The following TENM2 variants were observed in gnomAD, a reference collection of about 807,000 sequenced individuals.
TENM2 encodes the protein teneurin transmembrane protein 2.
In TENM2, 52 loss-of-function variants were observed where a neutral mutation model predicts 245.2. That is an observed-to-expected ratio of 0.21 (90% confidence interval 0.17 to 0.27). The LOEUF is 0.27. Ranked by LOEUF, TENM2 falls within the 10% of genes least tolerant of loss-of-function variation. The pLI is 1.00. For missense variants in TENM2, 3,046 were observed against 3,666.8 expected, an observed-to-expected ratio of 0.83 and a Z score of 4.37; for synonymous variants, 1,363 against 1,438.9, an observed-to-expected ratio of 0.95 and a Z score of 1.19.
At chr5:168,184,603 T>C (rs1217187857) in intron 13 of TENM2, among the ~76,000 whole-genome samples, 1 of 152,168 alleles carries the variant, frequency 6.6e-6, no homozygotes, top group East Asian at 1.9e-4. Flanking sequence ...GAAATCAACA[T>C]CTTCTCATTC....
rs548766272 is a variant in TENM2 at position 167,451,527 on chromosome 5, C to T, written c.502+76054C>T. On this transcript the variant is annotated intron_variant, in intron 2 of 28. Transcript: ENST00000518659. ...AATAAGAGAAACAGAAAAGAATAGT[C>T]CAGGCCGCATTCCTAATCTTGTCAT... 1.4e-4 allele frequency among the ~76,000 whole-genome samples: 21 copies of T among 152,316 alleles called. No individual in the cohort carries two copies. In the East Asian group the frequency reaches 4.1e-3, roughly 29 times the overall value.
At chr5:167,696,610 G>A (rs761680606) in intron 2 of TENM2, among the ~76,000 whole-genome samples, 3 of 152,148 alleles carry the variant, frequency 2.0e-5, no homozygotes, top group Non-Finnish European at 4.4e-5. Context: ...AACAGAAATA[G>A]GAAAAACAGA....
At chr5:168,031,515 A>G (rs1319477233) in intron 5 of TENM2, among the ~76,000 whole-genome samples, 1 of 152,130 alleles carries the variant, frequency 6.6e-6, no homozygotes, top group East Asian at 1.9e-4. Context: ...TGCATACTTT[A>G]TTTCATTGAA....
At chr5:168,129,114 G>C (rs894212805) in intron 12 of TENM2, 2 of 152,212 alleles carry the variant, frequency 1.3e-5, no homozygotes, top group African/African-American at 4.8e-5. Flanking sequence ...CGCAGAGTGG[G>C]AGTGGAGAAA....
intron 5 of TENM2, among the ~76,000 whole-genome samples, chr5:168,030,158 CTTTTTTTTTT>C (rs540326142): frequency 4.6e-4 from 30 of 65,288 alleles, no homozygotes; most frequent in African/African-American, 1.3e-3. Flanking sequence ...GGTTCTGGCT[CTTTTTTTTTT>C]TTTTTTTTTT....
In TENM2 at chr5:167,462,190, C is replaced by CG. The variant is rs1274202479; in HGVS notation, c.502+86717_502+86718insG. ...GAGTTCCCTGACCCCCACCCCCCCC[C>CG]CCCATTGCAGGACATGCAACAGGGG... On this transcript the variant is annotated intron_variant, in intron 2 of 28. Transcript: ENST00000518659. 2.9e-4 allele frequency among the ~76,000 whole-genome samples: 37 copies of CG among 127,100 alleles called. 1 individual carries two copies. The highest frequency in any genetic ancestry group is 1.0e-3 in the African/African-American group (35 of 34,256). The allele number at this position is 127,100 out of a possible 152,430, so 83.4% of individuals were successfully genotyped here.
At chr5:167,353,542 C>G (rs373491234) in intron 1 of TENM2, among the ~76,000 whole-genome samples, 2 of 110,912 alleles carry the variant, frequency 1.8e-5, no homozygotes, top group Non-Finnish European at 3.4e-5. Flanking sequence ...GAGTCTCGCT[C>G]TGTCGCCCAG....
chr5:168,262,961 A>G, exon 29 of TENM2: 2 of 687,638 alleles, frequency 2.9e-6, no homozygotes, highest in East Asian at 2.7e-5. Flanking sequence ...TTTGAGTTCA[A>G]ATGCTACTGT....
the TENM2 span, among the ~76,000 whole-genome samples, chr5:167,180,709 G>T: frequency 6.6e-6 from 1 of 152,082 alleles, no homozygotes; most frequent in African/African-American, 2.4e-5. Context: ...CTAAAAAAAG[G>T]TAAGCTAGAG....
chr5:167,263,403 A>C, the TENM2 span, among the ~76,000 whole-genome samples: 1 of 152,188 alleles, frequency 6.6e-6, no homozygotes, highest in South Asian at 2.1e-4. Context: ...CCATGGGAGT[A>C]TATGCAGAAA....
chr5:167,280,623 T>C (rs1018803708), upstream of TENM2, among the ~76,000 whole-genome samples: 12 of 152,114 alleles, frequency 7.9e-5, no homozygotes, highest in Admixed American at 6.5e-5. Flanking sequence ...ATTTTCTTTC[T>C]TGTGAGCCTG....
intron 2 of TENM2, among the ~76,000 whole-genome samples, chr5:167,675,313 G>A (rs1400176564): frequency 6.6e-6 from 1 of 152,082 alleles, no homozygotes; most frequent in African/African-American, 2.4e-5. Context: ...GAATTCGATA[G>A]TAAATTGTCA....
At chr5:167,493,283 A>C (rs1047908834) in intron 2 of TENM2, among the ~76,000 whole-genome samples, 2 of 152,060 alleles carry the variant, frequency 1.3e-5, no homozygotes, top group Non-Finnish European at 2.9e-5. Context: ...GTCTCTAAAA[A>C]GAAAAGAAAA....
the TENM2 span, among the ~76,000 whole-genome samples, chr5:167,238,009 C>CA: frequency 0.061 from 2,638 of 43,290 alleles, 203 homozygotes; most frequent in African/African-American, 0.11. Flanking sequence ...GACTCTGTCT[C>CA]AAAAAAAAAA....
the TENM2 span, among the ~76,000 whole-genome samples, chr5:167,258,201 A>ATATATATATATACGTATATATATATGTG: frequency 3.9e-5 from 5 of 126,766 alleles, no homozygotes; most frequent in African/African-American, 8.5e-5. Flanking sequence ...GTGTTGCCAT[A>ATATATATATATACGTATATATATATGTG]TATATATATA....
At chr5:167,183,028 G>C in the TENM2 span, among the ~76,000 whole-genome samples, 28 of 152,154 alleles carry the variant, frequency 1.8e-4, no homozygotes, top group African/African-American at 6.3e-4. Flanking sequence ...ATGTTCTCCT[G>C]CCTCTTTCCT....
chr5:167,831,169 C>T (rs979708430), intron 2 of TENM2, among the ~76,000 whole-genome samples: 2 of 151,858 alleles, frequency 1.3e-5, no homozygotes, highest in Non-Finnish European at 2.9e-5. Context: ...TAACTATGAC[C>T]TCTGATTAGT....
At chr5:167,896,127 G>A (rs1197190818) in intron 3 of TENM2, among the ~76,000 whole-genome samples, 2 of 152,232 alleles carry the variant, frequency 1.3e-5, no homozygotes, top group African/African-American at 4.8e-5. Context: ...GCACATCGCG[G>A]CCCTCCCCAC....
chr5:168,099,024 C>A (rs1200990829), intron 9 of TENM2, among the ~76,000 whole-genome samples: 1 of 152,128 alleles, frequency 6.6e-6, no homozygotes, highest in Non-Finnish European at 1.5e-5. Flanking sequence ...ATTATCCTAC[C>A]TCAGCCTCCC....
Sources: allele counts gnomAD v4.1 joint callset (sites outside exome capture counted in the v4.1 genomes callset), GRCh38; gene constraint gnomAD v4.1.1; transcripts MANE v1.5; gene names NCBI Gene and HGNC (gene_info 2026-07-23, HGNC 2026-07-21).